Variants in DMD observed in about 807,000 individuals in gnomAD.
The protein encoded by DMD is mutant dystrophin.
A neutral mutation model predicts 330.1 loss-of-function variants in DMD; 63 were observed. The observed-to-expected ratio is 0.19, with a 90% CI of 0.16 to 0.24. The LOEUF (loss-of-function observed/expected upper bound fraction) is 0.24, where lower values mean the gene tolerates loss of function less well. DMD is among the 10% of genes least tolerant of loss of function. The pLI is 1.00. For missense variants in DMD, 3,344 were observed against 2,684.1 expected (o/e 1.25, Z -5.43); for synonymous variants, 1,223 against 959.8 (o/e 1.27, Z -5.07).
intron 41 of DMD, among the ~76,000 whole-genome samples, chrX:32,313,634 T>C (rs1168173845): frequency 4.5e-5 from 5 of 111,649 alleles, no homozygotes; most frequent in African/African-American, 1.6e-4. Flanking sequence ...GATGACATGA[T>C]TGTATATTTA....
chrX:32,089,896 G>T (rs979841682), intron 44 of DMD, among the ~76,000 whole-genome samples: 1 of 111,425 alleles, frequency 9.0e-6, no homozygotes, highest in Non-Finnish European at 1.9e-5. Flanking sequence ...ACTAATTTAC[G>T]TTCCCACCAG....
At chrX:32,625,456 A>G (rs1238242780) in intron 11 of DMD, among the ~76,000 whole-genome samples, 2 of 111,825 alleles carry the variant, frequency 1.8e-5, no homozygotes, top group African/African-American at 6.5e-5. Context: ...TTAGATTACC[A>G]ATATCCGTGA....
At chrX:31,663,350 T>C (rs781317139) in intron 53 of DMD, among the ~76,000 whole-genome samples, 1 of 110,977 alleles carries the variant, frequency 9.0e-6, no homozygotes, top group East Asian at 2.9e-4. Context: ...CTGAAGTTGC[T>C]AAACTCTGGG....
At chrX:33,331,418 G>A (rs187433725) in intron 1 of DMD, among the ~76,000 whole-genome samples, 2 of 111,796 alleles carry the variant, frequency 1.8e-5, no homozygotes, top group East Asian at 5.6e-4. Flanking sequence ...TTGCTGGACC[G>A]AACAATTCTA....
At chrX:32,792,847 C>CA (rs901122674) in intron 7 of DMD, among the ~76,000 whole-genome samples, 3 of 112,102 alleles carry the variant, frequency 2.7e-5, no homozygotes, top group African/African-American at 9.7e-5. Flanking sequence ...GAGCTAGATG[C>CA]AAATACAGTA....
chrX:33,318,468 G>A (rs1250687631), intron 1 of DMD, among the ~76,000 whole-genome samples: 1 of 100,207 alleles, frequency 1.0e-5, no homozygotes, highest in Non-Finnish European at 2.0e-5. Context: ...TTTTTTTCGA[G>A]ACAGAGTCTT....
rs1194570725 is a variant in DMD at position 32,595,605 on chromosome X, G to A, written c.1602+152C>T. On this transcript the variant is annotated intron_variant, in intron 13 of 78. Transcript: ENST00000357033. The stretch of plus-strand genomic sequence containing the variant: ...GAATTATGGAATTCTTTAAATCACA[G>A]CACTTCAGCTGATTATGAGTGTGTG... The A allele has an allele frequency of 4.4e-5, 23 of 525,443 alleles. No individual in the cohort carries two copies. The Admixed American group carries it at 6.6e-4, about 15-fold the overall frequency. 43.3% of individuals were successfully genotyped at this position (525,443 alleles called of 1,213,427 possible).
At chrX:31,809,234 CTA>C (rs1378078566) in intron 50 of DMD, among the ~76,000 whole-genome samples, 1 of 104,199 alleles carries the variant, frequency 9.6e-6, no homozygotes, top group Non-Finnish European at 2.0e-5. Flanking sequence ...TATATAAAAA[CTA>C]TATAGAGATA....
At chrX:31,703,981 T>C (rs1027589930) in intron 52 of DMD, among the ~76,000 whole-genome samples, 1 of 111,660 alleles carries the variant, frequency 9.0e-6, no homozygotes, top group African/African-American at 3.3e-5. Context: ...TTACCCTTCC[T>C]AGGCTCCATT....
At position 31,977,722 on chromosome X, in the gene DMD, A is replaced by T. The variant is rs147178036; in HGVS notation, c.6439-9208T>A. The stretch of plus-strand genomic sequence containing the variant: ...ATACTACTCTCCTTCATGGAATTAG[A>T]TGAGAAGAGGTGATGATAAAAACAA... On this transcript the variant is annotated intron_variant, in intron 44 of 78. Transcript: ENST00000357033. Among the ~76,000 whole-genome samples, 206 of 108,222 alleles carry T rather than the reference A, an allele frequency of 1.9e-3. 5 individuals are homozygous for T. In the East Asian group the frequency reaches 0.045, roughly 24 times the overall value. 94.0% of individuals were successfully genotyped at this position (108,222 alleles called of 115,157 possible).
chrX:31,942,015 G>A (rs765613207), intron 45 of DMD, among the ~76,000 whole-genome samples: 97 of 111,917 alleles, frequency 8.7e-4, no homozygotes, highest in Middle Eastern at 9.2e-3. Flanking sequence ...CTCTTTGGTA[G>A]AAAGATTCGT....
intron 44 of DMD, among the ~76,000 whole-genome samples, chrX:32,085,333 T>C (rs995720093): frequency 6.4e-5 from 7 of 109,600 alleles, no homozygotes; most frequent in African/African-American, 2.3e-4. Context: ...ACAAGTGCAA[T>C]TTTATTATGT....
chrX:33,164,919 ACTTT>A (rs2048977643), intron 1 of DMD, among the ~76,000 whole-genome samples: 1 of 59,069 alleles, frequency 1.7e-5, no homozygotes, highest in Non-Finnish European at 3.0e-5. Context: ...TGCTTTACTT[ACTTT>A]CTTTCTTTTT....
At chrX:32,734,849 T>G (rs1408365300) in intron 7 of DMD, among the ~76,000 whole-genome samples, 1 of 103,297 alleles carries the variant, frequency 9.7e-6, no homozygotes, top group African/African-American at 3.8e-5. Flanking sequence ...CTTTGAAAAC[T>G]GGCACAAGAC....
At chrX:33,309,793 G>T (rs146821095) in intron 1 of DMD, among the ~76,000 whole-genome samples, 3,688 of 110,315 alleles carry the variant, frequency 0.033, 149 homozygotes, top group African/African-American at 0.12. Context: ...ACAAGTATGT[G>T]GTGTGATTAT....
chrX:32,057,379 C>T (rs1035783699), intron 44 of DMD, among the ~76,000 whole-genome samples: 2 of 110,890 alleles, frequency 1.8e-5, no homozygotes, highest in Admixed American at 9.6e-5. Context: ...TTAAGAGTGA[C>T]GCCACACAGA....
chrX:31,750,193 G>C (rs1255990262), intron 51 of DMD, among the ~76,000 whole-genome samples: 3 of 109,418 alleles, frequency 2.7e-5, no homozygotes, highest in Non-Finnish European at 5.7e-5. Context: ...CCTTGCTTTT[G>C]GTGTTTTAGA....
intron 30 of DMD, among the ~76,000 whole-genome samples, chrX:32,397,304 G>C (rs1247847895): frequency 9.0e-6 from 1 of 111,475 alleles, no homozygotes; most frequent in Non-Finnish European, 1.9e-5. Flanking sequence ...AACTATTCTT[G>C]TGAAATTATC....
intron 7 of DMD, among the ~76,000 whole-genome samples, chrX:32,784,973 A>G (rs1335516528): frequency 1.8e-5 from 2 of 111,272 alleles, no homozygotes; most frequent in African/African-American, 6.5e-5. Flanking sequence ...TAAAGTTATC[A>G]ATAGACATTT....
Sources: allele counts gnomAD v4.1 joint callset (sites outside exome capture counted in the v4.1 genomes callset), GRCh38; gene constraint gnomAD v4.1.1; transcripts MANE v1.5; gene names NCBI Gene and HGNC (gene_info 2026-07-23, HGNC 2026-07-21).